MARK3: variants seen among roughly 807,000 people sequenced by gnomAD.
MARK3 encodes MAP/microtubule affinity-regulating kinase 3.
Under a neutral mutation model 90.1 loss-of-function variants are expected in MARK3, and 46 were observed. That is an observed-to-expected ratio of 0.51 (90% CI 0.40 to 0.65). The LOEUF (loss-of-function observed/expected upper bound fraction) is 0.65, where lower values mean the gene tolerates loss of function less well. Among genes scored for constraint, MARK3 ranks in the 30% least tolerant of loss-of-function variants. The pLI is 0.00. For synonymous variants in MARK3, 321 were observed against 332.6 expected (o/e 0.97, Z 0.38); for missense variants, 818 against 947.2 (o/e 0.86, Z 1.79).
chr14:103,474,314 G>A (rs1275320631), intron 12 of MARK3, among the ~76,000 whole-genome samples: 1 of 152,202 alleles, frequency 6.6e-6, no homozygotes, highest in Admixed American at 6.5e-5. Context: ...TTTGCCCTCT[G>A]AATCTCCTGT....
chr14:103,480,648 A>G (rs2093804030), intron 14 of MARK3, among the ~76,000 whole-genome samples, 158 bp downstream of exon 14: 3 of 152,244 alleles, frequency 2.0e-5, no homozygotes, highest in African/African-American at 7.2e-5. Flanking sequence ...GCAAGATACT[A>G]GAATTCTAAA....
chr14:103,495,095 C>T (rs1329456763), intron 15 of MARK3, among the ~76,000 whole-genome samples: 1 of 152,136 alleles, frequency 6.6e-6, no homozygotes, highest in Non-Finnish European at 1.5e-5. Flanking sequence ...CACACACACT[C>T]ATTTAATTTA....
intron 5 of MARK3, among the ~76,000 whole-genome samples, chr14:103,454,248 G>T (rs1237576313): frequency 6.6e-6 from 1 of 151,668 alleles, no homozygotes; most frequent in Admixed American, 6.6e-5. Flanking sequence ...GTATTACCTT[G>T]GGTTTTTTTT....
chr14:103,467,163 A>T lies in MARK3; in HGVS notation c.1082A>T (p.Tyr361Phe). The stretch of plus-strand genomic sequence containing the variant: ...AAATACGATGAAATCACAGCTACAT[A>T]TTTGTTATTGGGGAGAAAATCTTCA... ...KMKYDEITAT[Y>F]LLLGRKSSEL... is the part of the protein sequence containing the mutation. The change falls in exon 11 of 18, where the codon TAT becomes TTT. Residue 361 changes from tyrosine to phenylalanine, a missense_variant. Physicochemically the swap from Tyr to Phe is conservative, Grantham distance 22 (BLOSUM62 3). This residue lies in a region of MARK3 where 560 missense variants were observed against 613.5 expected (regional missense o/e 0.91). Transcript: ENST00000429436. 1 of 1,596,634 alleles carries T rather than the reference A, an allele frequency of 6.3e-7. No individual in the cohort carries two copies. The highest frequency in any genetic ancestry group is 1.3e-5 in the African/African-American group (1 of 74,610).
chr14:103,502,439 A>C (rs1258984646), intron 17 of MARK3, among the ~76,000 whole-genome samples: 1 of 152,230 alleles, frequency 6.6e-6, no homozygotes, highest in Non-Finnish European at 1.5e-5. Flanking sequence ...CCTGAGTGCC[A>C]GTTACAGTGA....
intron 14 of MARK3, among the ~76,000 whole-genome samples, chr14:103,485,532 C>CA (rs1386723601): frequency 6.6e-6 from 1 of 152,022 alleles, no homozygotes; most frequent in Non-Finnish European, 1.5e-5. Context: ...CTCAGCCTTC[C>CA]AAAACACTAG....
intron 3 of MARK3, among the ~76,000 whole-genome samples, chr14:103,433,918 C>T (rs1392755547): frequency 1.3e-5 from 2 of 152,272 alleles, no homozygotes; most frequent in East Asian, 3.9e-4. Flanking sequence ...TTTGGTCAGG[C>T]TTTCACCTAG....
chr14:103,484,649 T>A (rs1279582269), intron 14 of MARK3, among the ~76,000 whole-genome samples: 1 of 152,214 alleles, frequency 6.6e-6, no homozygotes, highest in Non-Finnish European at 1.5e-5. Context: ...TTGCTTTTTT[T>A]AGGCTGGGCG....
chr14:103,469,380 C>T (rs947773667), intron 12 of MARK3: 1 of 152,124 alleles, frequency 6.6e-6, no homozygotes, highest in African/African-American at 2.4e-5. Flanking sequence ...CAGGGTTTCA[C>T]CATATTGGCT....
At chr14:103,492,140 C>T in intron 15 of MARK3, 106 bp downstream of exon 15, 2 of 1,303,154 alleles carry the variant, frequency 1.5e-6, no homozygotes, top group Non-Finnish European at 2.1e-6. Flanking sequence ...TTCAGTCTGC[C>T]TTCAGCTCAT....
chr14:103,458,864 G>A, intron 6 of MARK3: 1 of 546,270 alleles, frequency 1.8e-6, no homozygotes, highest in South Asian at 2.5e-5. Flanking sequence ...AAATACTAAT[G>A]GTACTTTGAA....
At chr14:103,499,135 A>G (rs2075510068) in intron 16 of MARK3, 1 of 152,202 alleles carries the variant, frequency 6.6e-6, no homozygotes, top group South Asian at 2.1e-4. Flanking sequence ...GTATCTCATT[A>G]TTTTTACTTA....
At chr14:103,486,057 G>A (rs1310362258) in intron 14 of MARK3, among the ~76,000 whole-genome samples, 1 of 152,138 alleles carries the variant, frequency 6.6e-6, no homozygotes, top group African/African-American at 2.4e-5. Context: ...CACTTTGGGA[G>A]GCCATGACAG....
Position 103,503,333 on chromosome 14 carries a change from C to T in MARK3, c.*106C>T. On this transcript the variant is annotated 3_prime_UTR_variant, in exon 18 of 18. Coordinates refer to ENST00000429436, the MANE Select transcript of MARK3 (RefSeq NM_001128918.3). ...GCAATAACGTCTGCATCTTCTAAAT[C>T]ATGAAATTAAAGTCTGAGGACGAGA... 5 of 1,067,558 alleles carry T rather than the reference C, an allele frequency of 4.7e-6. No individual in the cohort carries two copies. Among genetic ancestry groups the T allele is most frequent in the Non-Finnish European group, 6.7e-6 (5 of 748,968 alleles). 66.1% of individuals were successfully genotyped at this position (1,067,558 alleles called of 1,614,324 possible). A position where few individuals can be genotyped will look rare whatever the true frequency, so the allele number is the denominator to read the frequency against.
At chr14:103,462,811 A>T (rs1404914022) in intron 7 of MARK3, among the ~76,000 whole-genome samples, 3 of 152,124 alleles carry the variant, frequency 2.0e-5, no homozygotes, top group Non-Finnish European at 2.9e-5. Flanking sequence ...CTCTCCCGTT[A>T]ACAGCAGTGC....
intron 1 of MARK3, among the ~76,000 whole-genome samples, chr14:103,391,405 A>T (rs1265378064): frequency 1.3e-5 from 2 of 152,238 alleles, no homozygotes; most frequent in Non-Finnish European, 2.9e-5. Flanking sequence ...TTTTAAGAAA[A>T]AAGCAATACT....
intron 17 of MARK3, among the ~76,000 whole-genome samples, 185 bp downstream of exon 17, chr14:103,500,385 G>A (rs1272073885): frequency 6.6e-6 from 1 of 152,162 alleles, no homozygotes; most frequent in Non-Finnish European, 1.5e-5. Context: ...CTTGGCCTCC[G>A]CTCTACATTT....
At chr14:103,492,135 T>C (rs1215438825) in intron 15 of MARK3, 101 bp downstream of exon 15, 17 of 1,360,860 alleles carry the variant, frequency 1.2e-5, no homozygotes, top group Non-Finnish European at 1.3e-5. Context: ...TGCTTTTCAG[T>C]CTGCCTTCAG....
At chr14:103,426,269 CTTT>C (rs61014395) in intron 2 of MARK3, among the ~76,000 whole-genome samples, 1,715 of 143,864 alleles carry the variant, frequency 0.012, 20 homozygotes, top group African/African-American at 0.022. Context: ...TTGTTAAATA[CTTT>C]TTTTTTTTTT....
Sources: allele counts gnomAD v4.1 joint callset (sites outside exome capture counted in the v4.1 genomes callset), GRCh38; gene constraint gnomAD v4.1.1; regional missense constraint gnomAD v4.1.1; transcripts MANE v1.5; gene names NCBI Gene and HGNC (gene_info 2026-07-23, HGNC 2026-07-21).